Variants in STK32C observed in about 807,000 individuals in gnomAD.
The protein encoded by STK32C is serine/threonine kinase 32C, also known as serine/threonine-protein kinase 32C.
A neutral mutation model predicts 56.5 loss-of-function variants in STK32C; 31 were observed. That is an observed-to-expected ratio of 0.55 (90% CI 0.41 to 0.74). The LOEUF (loss-of-function observed/expected upper bound fraction) is 0.74, where lower values mean the gene tolerates loss of function less well. Among genes scored for constraint, STK32C ranks in the 30% least tolerant of loss-of-function variants. STK32C has a pLI of 0.00. For synonymous variants in STK32C, 309 were observed against 289.4 expected (o/e 1.07, Z -0.69); for missense variants, 544 against 676.9 (o/e 0.80, Z 2.18).
intron 10 of STK32C, among the ~76,000 whole-genome samples, chr10:132,215,024 CTTAT>C (rs1239610496): frequency 6.6e-6 from 1 of 152,186 alleles, no homozygotes; most frequent in Non-Finnish European, 1.5e-5. Flanking sequence ...TAAATGACCA[CTTAT>C]TTATTTACAA....
At chr10:132,221,703 G>GTCGACACAC (rs2062665580) in intron 10 of STK32C, among the ~76,000 whole-genome samples, 5 of 105,204 alleles carry the variant, frequency 4.8e-5, no homozygotes, top group Admixed American at 1.0e-4. Flanking sequence ...CACAACTGAT[G>GTCGACACAC]CTGACGCACC....
chr10:132,246,022 C>T, intron 1 of STK32C, 67 bp from the exon 2 acceptor site: 1 of 1,476,710 alleles, frequency 6.8e-7, no homozygotes, highest in South Asian at 1.1e-5. Flanking sequence ...GCAGCTCCCC[C>T]ACCTCAACAT....
intron 6 of STK32C, 94 bp from the exon 7 acceptor site, chr10:132,225,430 C>G: frequency 1.3e-6 from 2 of 1,589,856 alleles, no homozygotes; most frequent in Non-Finnish European, 1.7e-6. Flanking sequence ...ATCCCGAGAC[C>G]AGGCTGCCTC....
intron 1 of STK32C, among the ~76,000 whole-genome samples, chr10:132,327,242 C>T (rs933119015): frequency 6.6e-6 from 1 of 152,186 alleles, no homozygotes; most frequent in South Asian, 2.1e-4. Context: ...AGTTCCCCTG[C>T]ACAAGCTTTC....
intron 8 of STK32C, 147 bp from the exon 9 acceptor site, chr10:132,223,133 G>C (rs573756806): frequency 8.7e-7 from 1 of 1,143,002 alleles, no homozygotes; most frequent in East Asian, 2.6e-5. Context: ...GCGAGGAAGG[G>C]TGGTGCCGAC....
chr10:132,286,111 G>GA (rs1554878715), intron 1 of STK32C, among the ~76,000 whole-genome samples: 1 of 151,028 alleles, frequency 6.6e-6, no homozygotes, highest in Non-Finnish European at 1.5e-5. Flanking sequence ...GGGTGACGGA[G>GA]CGAGACTCTG....
chr10:132,237,695 G>C (rs904874338), intron 2 of STK32C, among the ~76,000 whole-genome samples: 1 of 152,230 alleles, frequency 6.6e-6, no homozygotes, highest in Admixed American at 6.5e-5. Flanking sequence ...CCCAAGTGCA[G>C]CTTCACCCCT....
intron 1 of STK32C, among the ~76,000 whole-genome samples, chr10:132,330,036 C>T (rs2066610267): frequency 6.6e-6 from 1 of 152,228 alleles, no homozygotes; most frequent in Non-Finnish European, 1.5e-5. Context: ...AGGAACGCGG[C>T]ACCAGCTCCA....
chr10:132,214,157 A>C (rs1039170147), intron 10 of STK32C, among the ~76,000 whole-genome samples: 2 of 152,004 alleles, frequency 1.3e-5, no homozygotes, highest in Non-Finnish European at 2.9e-5. Context: ...AGGATCTAAG[A>C]AGCTCAGAGA....
chr10:132,246,081 C>T (rs968949120), intron 1 of STK32C, 126 bp from the exon 2 acceptor site: 15 of 963,648 alleles, frequency 1.6e-5, no homozygotes, highest in East Asian at 9.8e-5. Flanking sequence ...AGAGGGTCGC[C>T]GTGGGGCGGG....
intron 2 of STK32C, among the ~76,000 whole-genome samples, chr10:132,228,511 C>T (rs1418735068): frequency 2.6e-5 from 4 of 152,198 alleles, no homozygotes; most frequent in East Asian, 1.9e-4. Context: ...TGTCAACAGG[C>T]GCTATCTGCA....
At position 132,255,796 on chromosome 10, in the gene STK32C, G is replaced by A. The variant is rs1421846320; in HGVS notation, c.263-9841C>T. Among the ~76,000 whole-genome samples, 1 of 152,184 alleles carries A rather than the reference G, an allele frequency of 6.6e-6. No homozygotes were observed. The highest frequency in any genetic ancestry group is 1.9e-4 in the East Asian group (1 of 5,188). ...TCCAGAGGGGGCCTGGAGCCTCGAG[G>A]TCATGCCTGGGTGCCAGCACCATGG... On this transcript the variant is annotated intron_variant, in intron 1 of 11. Transcript: ENST00000298630. The surrounding 1 kb of genome is among the most constrained non-coding windows in gnomAD (Gnocchi z 4.6).
upstream of STK32C, chr10:132,307,998 G>A (rs1194287167): frequency 1.5e-3 from 1,449 of 971,904 alleles, 5 homozygotes; most frequent in East Asian, 0.019. This position sits in a 1 kb window ranked among gnomAD's most constrained non-coding sequence, Gnocchi z 4.4. Flanking sequence ...GGGCGGGGCA[G>A]GGGCGGGGCT....
chr10:132,284,925 A>G (rs768743095), intron 1 of STK32C, among the ~76,000 whole-genome samples: 3,778 of 124,520 alleles, frequency 0.03, 30 homozygotes, highest in Non-Finnish European at 0.049. Context: ...GCATGAACCC[A>G]GAACACATTC....
chr10:132,225,287 G>A lies in STK32C; in HGVS notation c.822C>T (p.Phe274=), dbSNP rs139605247. ...CCCCCACCGACCACCAGTCCACCTCGAAGGAGTAGCCGGTCCCGCCGTTGA... is the reference window on the plus strand; with the variant it reads ...CCCCCACCGACCACCAGTCCACCTCAAAGGAGTAGCCGGTCCCGCCGTTGA... ...SFVNGGTGYS[F]EVDWWSVGVM... Residue 274 remains phenylalanine, a synonymous_variant, in exon 7 of 12, where the codon TTC becomes TTT. Coordinates refer to ENST00000298630, the MANE Select transcript of STK32C (RefSeq NM_173575.4). The A allele has an allele frequency of 3.2e-4, 508 of 1,608,490 alleles. No individual in the cohort carries two copies. Among genetic ancestry groups the A allele is most frequent in the East Asian group, 2.9e-3 (129 of 44,308 alleles).
chr10:132,221,871 T>C (rs746231856), intron 10 of STK32C, among the ~76,000 whole-genome samples: 13 of 85,376 alleles, frequency 1.5e-4, no homozygotes, highest in South Asian at 4.3e-4. Context: ...TGGCCATCCC[T>C]GCACACACAA....
At chr10:132,234,318 G>A (rs1009235927) in intron 2 of STK32C, among the ~76,000 whole-genome samples, 2 of 152,198 alleles carry the variant, frequency 1.3e-5, no homozygotes, top group African/African-American at 4.8e-5. Context: ...ACTTCCCGAT[G>A]CATCCCCGAG....
In STK32C at chr10:132,307,257, A is replaced by T. The variant is rs562629244; in HGVS notation, c.262+315T>A. On this transcript the variant is annotated intron_variant, in intron 1 of 11. Coordinates refer to ENST00000298630, the MANE Select transcript of STK32C (RefSeq NM_173575.4). The surrounding 1 kb of genome is among the most constrained non-coding windows in gnomAD (Gnocchi z 4.4). Reference sequence around the variant, plus strand: ...GGCCCGAGCGGATCACGGAAAGCGGAAAGCAGGGCTGCCACGGGCGGTGGG... The same window carrying T: ...GGCCCGAGCGGATCACGGAAAGCGGTAAGCAGGGCTGCCACGGGCGGTGGG... 4.4e-6 allele frequency: 1 copy of T among 227,664 alleles called. No homozygotes were observed. The highest frequency in any genetic ancestry group is 1.1e-4 in the South Asian group (1 of 9,152). 14.1% of individuals were successfully genotyped at this position (227,664 alleles called of 1,614,324 possible). A position where few individuals can be genotyped will look rare whatever the true frequency, so the allele number is the denominator to read the frequency against.
At chr10:132,257,663 C>T (rs1276611901) in intron 1 of STK32C, among the ~76,000 whole-genome samples, 1 of 151,732 alleles carries the variant, frequency 6.6e-6, no homozygotes, top group Non-Finnish European at 1.5e-5. Flanking sequence ...TGCCTCTGTC[C>T]CCAGGGGCGC....
Sources: allele counts gnomAD v4.1 joint callset (sites outside exome capture counted in the v4.1 genomes callset), GRCh38; gene constraint gnomAD v4.1.1; non-coding constraint Gnocchi (gnomAD v3.1); transcripts MANE v1.5; gene names NCBI Gene and HGNC (gene_info 2026-07-23, HGNC 2026-07-21).